The following CREB5 variants were observed in gnomAD, a reference collection of about 807,000 sequenced individuals.
The protein encoded by CREB5 is cAMP responsive element binding protein 5.
Under a neutral mutation model 57.1 loss-of-function variants are expected in CREB5, and 19 were observed. That is an observed-to-expected ratio of 0.33 (90% CI 0.23 to 0.49). The LOEUF is 0.49. Among genes scored for constraint, CREB5 ranks in the 20% least tolerant of loss-of-function variants. The pLI, the probability that CREB5 is intolerant of heterozygous loss-of-function variation, is 0.99. For synonymous variants in CREB5, 238 were observed against 238.3 expected (o/e 1.00, Z 0.01); for missense variants, 579 against 671.6 (o/e 0.86, Z 1.52).
At chr7:28,735,194 A>G (rs775697569) in intron 7 of CREB5, among the ~76,000 whole-genome samples, 4 of 151,662 alleles carry the variant, frequency 2.6e-5, no homozygotes, top group South Asian at 2.1e-4. Flanking sequence ...GTTTGTTTTT[A>G]TTCTAAGCTT....
chr7:28,817,976 G>T, intron 9 of CREB5, 95 bp from the exon 10 acceptor site: 1 of 787,400 alleles, frequency 1.3e-6, no homozygotes, highest in South Asian at 1.8e-5. Flanking sequence ...AGACATAATG[G>T]AAGAGTTTGC....
chr7:28,341,525 C>T (rs566730686), intron 1 of CREB5, among the ~76,000 whole-genome samples: 177 of 152,322 alleles, frequency 1.2e-3, no homozygotes, highest in African/African-American at 3.9e-3. Context: ...AAATTTCTAA[C>T]GGACACCTTG....
intron 1 of CREB5, 108 bp from the exon 2 acceptor site, chr7:28,488,067 G>T: frequency 2.2e-6 from 2 of 892,762 alleles, no homozygotes; most frequent in Admixed American, 1.9e-5. Flanking sequence ...TTTGGTATTG[G>T]CATAGAAAGG....
chr7:28,561,080 T>C (rs1795255029), intron 4 of CREB5, among the ~76,000 whole-genome samples: 1 of 151,968 alleles, frequency 6.6e-6, no homozygotes. Flanking sequence ...TTTCATCCCT[T>C]CTCTTCCCTA....
intron 5 of CREB5, among the ~76,000 whole-genome samples, chr7:28,658,955 A>ATATATATATATATATATATATGTG (rs1554281544): frequency 0.017 from 808 of 47,480 alleles, 44 homozygotes; most frequent in East Asian, 0.025. Flanking sequence ...GTGTGTGTGT[A>ATATATATATATATATATATATGTG]TATATATATA....
rs574519758 is a variant in CREB5 at position 28,472,438 on chromosome 7, G to A, written c.4-15737G>A. 3.3e-3 allele frequency among the ~76,000 whole-genome samples: 501 copies of A among 152,292 alleles called. 1 individual carries two copies. Among genetic ancestry groups the A allele is most frequent in the Non-Finnish European group, 5.1e-3 (350 of 68,030 alleles). ...TAGATGAGGAAATATGCGTGGATAAGTTAAGTTACCACTCCAAGGTTACAC... is the reference window on the plus strand; with the variant it reads ...TAGATGAGGAAATATGCGTGGATAAATTAAGTTACCACTCCAAGGTTACAC... On this transcript the variant is annotated intron_variant, in intron 1 of 10. Transcript: ENST00000357727.
intron 1 of CREB5, among the ~76,000 whole-genome samples, chr7:28,416,493 T>A (rs1054752092): frequency 2.0e-5 from 3 of 152,220 alleles, no homozygotes; most frequent in African/African-American, 7.2e-5. Context: ...TGGCCAGGTA[T>A]TAATTCATGC....
chr7:28,775,055 C>G (rs1443816229), intron 7 of CREB5, among the ~76,000 whole-genome samples: 1 of 152,122 alleles, frequency 6.6e-6, no homozygotes, highest in Non-Finnish European at 1.5e-5. Context: ...ATCAGGCTTT[C>G]GGCACTATAA....
intron 7 of CREB5, among the ~76,000 whole-genome samples, chr7:28,773,170 C>CAA (rs200564326): frequency 1.0e-4 from 15 of 147,796 alleles, no homozygotes; most frequent in African/African-American, 3.5e-4. Context: ...CAAAAACAAA[C>CAA]AAAAAAAAAA....
rs976348187 is a variant in CREB5, at chr7:28,475,828, A to G, written c.4-12347A>G. Among the ~76,000 whole-genome samples, 12 of 152,094 alleles carry G rather than the reference A, an allele frequency of 7.9e-5. No individual in the cohort carries two copies. In the South Asian group the frequency reaches 1.7e-3, roughly 21 times the overall value. Reference sequence around the variant, plus strand: ...AGCACTTTACTTGCATTCTATGGCTAGGAGCTGTTTTCAGGAAGGAAAACA... The same window carrying G: ...AGCACTTTACTTGCATTCTATGGCTGGGAGCTGTTTTCAGGAAGGAAAACA... On this transcript the variant is annotated intron_variant, in intron 1 of 10. Transcript: ENST00000357727.
At chr7:28,329,570 CTTCT>C (rs1399281897) in intron 1 of CREB5, among the ~76,000 whole-genome samples, 5 of 152,194 alleles carry the variant, frequency 3.3e-5, no homozygotes, top group Non-Finnish European at 7.3e-5. Context: ...AACTTTTCAA[CTTCT>C]TTCTTTTAAA....
At chr7:28,505,817 T>G (rs1792458164) in intron 3 of CREB5, among the ~76,000 whole-genome samples, 1 of 152,234 alleles carries the variant, frequency 6.6e-6, no homozygotes, top group South Asian at 2.1e-4. Flanking sequence ...AAATGTTAAT[T>G]GCAAAATCCT....
intron 5 of CREB5, among the ~76,000 whole-genome samples, chr7:28,702,470 C>A (rs1383213381): frequency 1.3e-5 from 2 of 152,240 alleles, no homozygotes; most frequent in Non-Finnish European, 2.9e-5. Flanking sequence ...GAGGCAAGCA[C>A]TCCGGTGCTC....
intron 1 of CREB5, among the ~76,000 whole-genome samples, chr7:28,454,337 C>G (rs1789993735): frequency 6.6e-6 from 1 of 152,156 alleles, no homozygotes; most frequent in Non-Finnish European, 1.5e-5. Flanking sequence ...CCAAAGCTGC[C>G]ACAGTTGTAG....
At chr7:28,755,064 G>A (rs567064560) in intron 7 of CREB5, among the ~76,000 whole-genome samples, 2 of 152,110 alleles carry the variant, frequency 1.3e-5, no homozygotes, top group Non-Finnish European at 2.9e-5. Context: ...GTTCATCTTG[G>A]GTATCAGTAC....
chr7:28,572,280 G>A (rs1479251199), intron 5 of CREB5, among the ~76,000 whole-genome samples: 4 of 152,192 alleles, frequency 2.6e-5, no homozygotes, highest in African/African-American at 4.8e-5. Context: ...TCGAATGCTC[G>A]GCTTTGTTGA....
chr7:28,446,520 T>C (rs901721141), intron 1 of CREB5, among the ~76,000 whole-genome samples: 18 of 151,996 alleles, frequency 1.2e-4, no homozygotes, highest in Non-Finnish European at 2.1e-4. Context: ...GGTCCGGGCG[T>C]GGTGGCTCAC....
intron 1 of CREB5, among the ~76,000 whole-genome samples, chr7:28,398,410 T>C (rs956368087): frequency 6.6e-6 from 1 of 152,134 alleles, no homozygotes; most frequent in Non-Finnish European, 1.5e-5. Context: ...CTGCGGGTAG[T>C]TCTAACAACT....
At chr7:28,458,971 C>G (rs1790231460) in intron 1 of CREB5, among the ~76,000 whole-genome samples, 1 of 152,172 alleles carries the variant, frequency 6.6e-6, no homozygotes, top group African/African-American at 2.4e-5. Flanking sequence ...TGATGAGATT[C>G]TTGCTGATGT....
Sources: allele counts gnomAD v4.1 joint callset (sites outside exome capture counted in the v4.1 genomes callset), GRCh38; gene constraint gnomAD v4.1.1; transcripts MANE v1.5; gene names NCBI Gene and HGNC (gene_info 2026-07-23, HGNC 2026-07-21).